The following FGF10 variants were observed in gnomAD, a reference collection of about 807,000 sequenced individuals.
FGF10 encodes the protein fibroblast growth factor 10.
Under a neutral mutation model 19.8 loss-of-function variants are expected in FGF10, and 2 were observed. The observed-to-expected ratio is 0.10, with a 90% CI of 0.04 to 0.32. The LOEUF is 0.32. Among genes scored for constraint, FGF10 ranks in the 10% least tolerant of loss-of-function variants. FGF10 has a pLI of 1.00. For missense variants in FGF10, 191 were observed against 246.3 expected, an observed-to-expected ratio of 0.78 and a Z score of 1.50; for synonymous variants, 112 against 94.0, an observed-to-expected ratio of 1.19 and a Z score of -1.10.
In FGF10 at chr5:44,316,994, G is replaced by C. The variant is rs17234422; in HGVS notation, c.326-6464C>G. ...CCCTTAAATATATGCACATGGTCAA[G>C]AAATTGTCTCAAAGCAATAGGGCTC... On this transcript the variant is annotated intron_variant, in intron 1 of 2. Coordinates refer to ENST00000264664, the MANE Select transcript of FGF10 (RefSeq NM_004465.2). 5.4e-3 allele frequency among the ~76,000 whole-genome samples: 817 copies of C among 152,210 alleles called. 7 individuals are homozygous for C. Among genetic ancestry groups the C allele is most frequent in the African/African-American group, 0.017 (722 of 41,556 alleles).
At chr5:44,382,827 T>C (rs574179243) in intron 1 of FGF10, among the ~76,000 whole-genome samples, 12 of 152,254 alleles carry the variant, frequency 7.9e-5, no homozygotes, top group Admixed American at 3.3e-4. Context: ...TTATAATTTC[T>C]GGAAGGAAAA....
At chr5:44,322,862 A>G (rs1043948239) in intron 1 of FGF10, among the ~76,000 whole-genome samples, 2 of 151,886 alleles carry the variant, frequency 1.3e-5, no homozygotes, top group Admixed American at 1.3e-4. Context: ...ATTACAATGT[A>G]ATAATAATAA....
chr5:44,330,381 T>A (rs186634655), intron 1 of FGF10, among the ~76,000 whole-genome samples: 1 of 152,310 alleles, frequency 6.6e-6, no homozygotes, highest in East Asian at 1.9e-4. Flanking sequence ...TGGTTTCTGT[T>A]AGCAGTTCCA....
chr5:44,376,561 G>T (rs1467358574), intron 1 of FGF10, among the ~76,000 whole-genome samples: 1 of 129,152 alleles, frequency 7.7e-6, no homozygotes, highest in African/African-American at 2.8e-5. Flanking sequence ...TGCTTCAGGT[G>T]TTCCTTTTGG....
At chr5:44,342,572 G>A (rs1042444433) in intron 1 of FGF10, among the ~76,000 whole-genome samples, 5 of 151,278 alleles carry the variant, frequency 3.3e-5, no homozygotes, top group Non-Finnish European at 7.4e-5. Context: ...TGATTGCCAC[G>A]TATAGGTTAA....
At chr5:44,312,052 C>T (rs1215538516) in intron 1 of FGF10, among the ~76,000 whole-genome samples, 1 of 152,044 alleles carries the variant, frequency 6.6e-6, no homozygotes, top group Non-Finnish European at 1.5e-5. Flanking sequence ...AGTCTCTGAC[C>T]TAACACAGCA....
chr5:44,307,219 G>A (rs1318399863), intron 2 of FGF10, among the ~76,000 whole-genome samples: 3 of 152,114 alleles, frequency 2.0e-5, no homozygotes, highest in Admixed American at 6.6e-5. Context: ...TTGGGCCAAA[G>A]GTACCAAATC....
At chr5:44,320,993 T>C (rs551647411) in intron 1 of FGF10, among the ~76,000 whole-genome samples, 45 of 151,510 alleles carry the variant, frequency 3.0e-4, no homozygotes, top group African/African-American at 1.0e-3. Flanking sequence ...CATTTTGAAG[T>C]TTTTCAAAAG....
At chr5:44,320,081 C>T (rs1031478757) in intron 1 of FGF10, among the ~76,000 whole-genome samples, 2 of 152,132 alleles carry the variant, frequency 1.3e-5, no homozygotes, top group African/African-American at 2.4e-5. Flanking sequence ...GACTGGGTTG[C>T]ATGCTTCTTA....
At chr5:44,378,309 A>G (rs1741910575) in intron 1 of FGF10, among the ~76,000 whole-genome samples, 1 of 152,146 alleles carries the variant, frequency 6.6e-6, no homozygotes, top group Admixed American at 6.5e-5. Flanking sequence ...AGCATTTTGG[A>G]TTTGAGAATT....
chr5:44,316,803 T>C (rs1033930127), intron 1 of FGF10, among the ~76,000 whole-genome samples: 2 of 152,244 alleles, frequency 1.3e-5, no homozygotes, highest in African/African-American at 4.8e-5. Context: ...TGTACAGATA[T>C]ACTGCATTGT....
rs796959353 is a variant in FGF10, at chr5:44,301,125, A to AT, written c.*3869dup. On this transcript the variant is annotated 3_prime_UTR_variant, in exon 3 of 3. Transcript: ENST00000264664. Reference sequence around the variant, plus strand: ...TTCAAAGATATTCCTCTTCCTTTTTATTTTTTTTTCAGTTTAAGTTGGAAA... The same window carrying AT: ...TTCAAAGATATTCCTCTTCCTTTTTATTTTTTTTTTCAGTTTAAGTTGGAAA... 1.5e-4 allele frequency among the ~76,000 whole-genome samples: 22 copies of AT among 149,684 alleles called. No individual in the cohort carries two copies. The highest frequency in any genetic ancestry group is 3.2e-4 in the African/African-American group (13 of 40,724).
At chr5:44,340,869 A>G (rs984495439) in intron 1 of FGF10, among the ~76,000 whole-genome samples, 1 of 151,926 alleles carries the variant, frequency 6.6e-6, no homozygotes, top group Non-Finnish European at 1.5e-5. Flanking sequence ...AGTCAAAGAA[A>G]GAATCAATCC....
At chr5:44,314,730 C>T (rs1284466121) in intron 1 of FGF10, among the ~76,000 whole-genome samples, 1 of 152,120 alleles carries the variant, frequency 6.6e-6, no homozygotes, top group Non-Finnish European at 1.5e-5. Flanking sequence ...CCAGCTGCTG[C>T]TTCTCATTCT....
intron 1 of FGF10, among the ~76,000 whole-genome samples, chr5:44,315,652 T>G (rs1740327904): frequency 6.6e-6 from 1 of 152,196 alleles, no homozygotes; most frequent in African/African-American, 2.4e-5. Context: ...ATAGTTTTAA[T>G]CAAGGTGCTG....
intron 2 of FGF10, among the ~76,000 whole-genome samples, chr5:44,305,539 G>A (rs1277266178): frequency 1.3e-5 from 2 of 152,050 alleles, no homozygotes; most frequent in Non-Finnish European, 2.9e-5. Flanking sequence ...CAGTAATAAA[G>A]AATAGTGTTA....
chr5:44,339,970 G>T (rs1740932726), intron 1 of FGF10, among the ~76,000 whole-genome samples: 1 of 152,098 alleles, frequency 6.6e-6, no homozygotes, highest in Non-Finnish European at 1.5e-5. Flanking sequence ...CAGGAAAACG[G>T]TAAGAAATCA....
At chr5:44,358,106 T>C (rs1741391158) in intron 1 of FGF10, among the ~76,000 whole-genome samples, 1 of 151,482 alleles carries the variant, frequency 6.6e-6, no homozygotes, top group Non-Finnish European at 1.5e-5. Context: ...GAAAGAATAT[T>C]ATACATAAGA....
intron 1 of FGF10, among the ~76,000 whole-genome samples, chr5:44,330,174 A>G (rs143144697): frequency 6.6e-6 from 1 of 152,348 alleles, no homozygotes; most frequent in East Asian, 1.9e-4. Context: ...AAGAAAGTTA[A>G]AGGAGCATTA....
Sources: allele counts gnomAD v4.1 joint callset (sites outside exome capture counted in the v4.1 genomes callset), GRCh38; gene constraint gnomAD v4.1.1; transcripts MANE v1.5; gene names NCBI Gene and HGNC (gene_info 2026-07-23, HGNC 2026-07-21).